Variants in EMX1 observed in about 807,000 individuals in gnomAD.
EMX1 encodes empty spiracles homeobox 1, also known as homeobox protein EMX1.
A neutral mutation model predicts 20.1 loss-of-function variants in EMX1; 10 were observed. That is an observed-to-expected ratio of 0.50 (90% confidence interval 0.31 to 0.84). The LOEUF is 0.84. Ranked by LOEUF, EMX1 falls within the 40% of genes least tolerant of loss-of-function variation. The probability of loss-of-function intolerance (pLI) is 0.05; values close to 1 mark genes in which losing one functional copy is unlikely to be tolerated. For missense variants in EMX1, 424 were observed against 431.9 expected (o/e 0.98, Z 0.16); for synonymous variants, 250 against 200.4 (o/e 1.25, Z -2.09).
upstream of EMX1, chr2:72,916,249 G>A (rs1197583595): frequency 5.6e-6 from 1 of 178,152 alleles, no homozygotes; most frequent in Non-Finnish European, 1.2e-5. Flanking sequence ...ACCCGGCCTG[G>A]AGTCCCCGCA....
Position 72,917,571 on chromosome 2 carries a change from A to T in EMX1, c.-282A>T, listed in dbSNP as rs1670988934. ...CGGGGCTGGGCAGGGCAGTGCGGGG[A>T]CACCGGGGGCTGGGGTCGGTCCCAG... On this transcript the variant is annotated 5_prime_UTR_variant, in exon 1 of 3. Coordinates refer to ENST00000258106, the MANE Select transcript of EMX1 (RefSeq NM_004097.3). The T allele has an allele frequency of 5.0e-6, 1 of 199,462 alleles. No individual in the cohort carries two copies. The highest frequency in any genetic ancestry group is 2.3e-5 in the African/African-American group (1 of 42,814). 12.4% of individuals were successfully genotyped at this position (199,462 alleles called of 1,614,324 possible).
chr2:72,926,726 T>C (rs1671206848), intron 2 of EMX1, among the ~76,000 whole-genome samples: 1 of 152,236 alleles, frequency 6.6e-6, no homozygotes, highest in South Asian at 2.1e-4. Context: ...TCCCCATCCC[T>C]AGTCCCTTCC....
At chr2:72,926,925 G>C (rs1671215311) in intron 2 of EMX1, among the ~76,000 whole-genome samples, 2 of 152,214 alleles carry the variant, frequency 1.3e-5, no homozygotes, top group South Asian at 4.2e-4. Context: ...TACTTACCAG[G>C]CAAGCTTACC....
At chr2:72,919,180 TACACACACACACACACACAC>T (rs70963149) in intron 1 of EMX1, among the ~76,000 whole-genome samples, 8 of 142,614 alleles carry the variant, frequency 5.6e-5, no homozygotes, top group South Asian at 2.3e-4. Flanking sequence ...CCACTGGCCC[TACACACACACACACACACAC>T]ACACACACAC....
chr2:72,917,935 C>T lies in EMX1; in HGVS notation c.83C>T (p.Ala28Val), dbSNP rs1670999218. 6.7e-7 allele frequency: 1 copy of T among 1,486,028 alleles called. No homozygotes were observed. The highest frequency in any genetic ancestry group is 8.9e-7 in the Non-Finnish European group (1 of 1,125,908). The allele number at this position is 1,486,028 out of a possible 1,614,324, so 92.1% of individuals were successfully genotyped here. A position where few individuals can be genotyped will look rare whatever the true frequency, so the allele number is the denominator to read the frequency against. Residue 28 changes from alanine (A) to valine (V), a missense_variant, in exon 1 of 3, where the codon GCT (alanine) becomes GTT (valine). Around this residue, in one of 2 missense-constraint regions of EMX1, gnomAD observed 333 missense variants for 296.6 expected, o/e 1.12. Coordinates refer to ENST00000258106, the MANE Select transcript of EMX1 (RefSeq NM_004097.3). ...ALPRARLPRT[A>V]PAAATMFQPA... ...CCCAGAGCCCGGCTGCCTCGCACAG[C>T]TCCCGCGGCTGCGACCATGTTCCAG...
chr2:72,924,791 C>T (rs1418915109), intron 2 of EMX1, among the ~76,000 whole-genome samples: 3 of 152,222 alleles, frequency 2.0e-5, no homozygotes, highest in Admixed American at 6.5e-5. Context: ...GACCAGGTTC[C>T]CTGGAGGAAG....
chr2:72,926,980 C>T (rs920506456), intron 2 of EMX1, among the ~76,000 whole-genome samples: 12 of 152,154 alleles, frequency 7.9e-5, no homozygotes, highest in African/African-American at 2.7e-4. Context: ...CAGTCACCCC[C>T]AACAGCCCCC....
At chr2:72,916,216 C>T (rs565246052), upstream of EMX1, 7 of 162,320 alleles carry the variant, frequency 4.3e-5, no homozygotes, top group South Asian at 1.1e-3. Flanking sequence ...CGGCTCCCGG[C>T]GCTCAGGCGG....
intron 2 of EMX1, among the ~76,000 whole-genome samples, chr2:72,925,184 G>C (rs1051293551): frequency 4.6e-5 from 7 of 152,220 alleles, no homozygotes; most frequent in African/African-American, 1.7e-4. Context: ...TAGACCCCGG[G>C]TACTCAGGTG....
At chr2:72,916,320 C>A, upstream of EMX1, 1 of 285,872 alleles carries the variant, frequency 3.5e-6, no homozygotes, top group Non-Finnish European at 6.7e-6. Flanking sequence ...CCCAGATCTG[C>A]GCGCCCAGGC....
intron 1 of EMX1, among the ~76,000 whole-genome samples, chr2:72,921,773 A>G (rs937325914): frequency 6.6e-5 from 10 of 152,174 alleles, no homozygotes; most frequent in Non-Finnish European, 1.0e-4. Flanking sequence ...GGACATGACA[A>G]TGACCTGGGG....
At chr2:72,931,838 A>C (rs1671290724) in intron 2 of EMX1, among the ~76,000 whole-genome samples, 1 of 152,136 alleles carries the variant, frequency 6.6e-6, no homozygotes, top group South Asian at 2.1e-4. Context: ...CCCCATCCCC[A>C]TGCCAGTGCT....
chr2:72,933,810 G>A lies in EMX1; in HGVS notation c.729G>A (p.Arg243=). The A allele has an allele frequency of 1.2e-6, 2 of 1,614,222 alleles. No homozygotes were observed. Among genetic ancestry groups the A allele is most frequent in the South Asian group, 1.1e-5 (1 of 91,082 alleles). ...ETQVKVWFQN[R]RTKYKRQKLE... ...AGGTGAAGGTGTGGTTCCAGAACCG[G>A]AGGACAAAGTACAAACGGCAGAAGC... Residue 243 remains arginine, a synonymous_variant, in exon 3 of 3, where the codon CGG becomes CGA. Coordinates refer to ENST00000258106, the MANE Select transcript of EMX1 (RefSeq NM_004097.3).
chr2:72,926,394 C>A, intron 2 of EMX1: 1 of 718,342 alleles, frequency 1.4e-6, no homozygotes, highest in Non-Finnish European at 1.7e-6. Flanking sequence ...GCTTCATTAA[C>A]TATCAAAACT....
At chr2:72,922,065 C>T (rs979256739) in intron 1 of EMX1, among the ~76,000 whole-genome samples, 1 of 152,178 alleles carries the variant, frequency 6.6e-6, no homozygotes, top group South Asian at 2.1e-4. Context: ...TACACACTTA[C>T]GGGGCTTTCC....
At chr2:72,917,056 C>T (rs959342539), upstream of EMX1, 4 of 660,814 alleles carry the variant, frequency 6.1e-6, no homozygotes, top group Admixed American at 8.9e-5. Context: ...CCCAGGAGGC[C>T]GATGGTGGGT....
chr2:72,917,085 G>A, upstream of EMX1: 1 of 633,966 alleles, frequency 1.6e-6, no homozygotes, highest in Non-Finnish European at 2.9e-6. Context: ...GAGTCCCGGA[G>A]AGCAGGGGGG....
Position 72,917,985 on chromosome 2 carries a change from A to G in EMX1, c.133A>G (p.Ile45Val), listed in dbSNP as rs949660517. ...FQPAAKRGFT[I>V]ESLVAKDGGT... ...GCCCGCGGCCAAGCGCGGCTTTACC[A>G]TAGAGTCCTTGGTGGCCAAGGACGG... is the stretch of plus-strand genomic sequence containing the variant. The change falls in exon 1 of 3, where the codon ATA becomes GTA. Residue 45 changes from isoleucine (I) to valine (V), a missense_variant. Ile to Val is a conservative substitution (Grantham distance 29). Around this residue, in one of 2 missense-constraint regions of EMX1, gnomAD observed 333 missense variants for 296.6 expected, o/e 1.12. Coordinates refer to ENST00000258106, the MANE Select transcript of EMX1 (RefSeq NM_004097.3). 1.9e-5 allele frequency: 28 copies of G among 1,484,068 alleles called. No individual in the cohort carries two copies. Among genetic ancestry groups the G allele is most frequent in the Non-Finnish European group, 2.5e-5 (28 of 1,124,934 alleles). 91.9% of individuals were successfully genotyped at this position (1,484,068 alleles called of 1,614,324 possible).
chr2:72,921,438 C>A lies in EMX1; in HGVS notation c.521-2871C>A, dbSNP rs117773828. ...TGTGGTCCAGGCAAGGGAAACTGAACCCCTGGTAGGGGTGGTTCAGGCCTC... is the reference window on the plus strand; with the variant it reads ...TGTGGTCCAGGCAAGGGAAACTGAAACCCTGGTAGGGGTGGTTCAGGCCTC... On this transcript the variant is annotated intron_variant, in intron 1 of 2. Transcript: ENST00000258106. Among the ~76,000 whole-genome samples, 8 of 152,316 alleles carry A rather than the reference C, an allele frequency of 5.3e-5. No individual in the cohort carries two copies. The East Asian group carries it at 1.4e-3, about 26-fold the overall frequency.
Sources: allele counts gnomAD v4.1 joint callset (sites outside exome capture counted in the v4.1 genomes callset), GRCh38; gene constraint gnomAD v4.1.1; regional missense constraint gnomAD v4.1.1; transcripts MANE v1.5; gene names NCBI Gene and HGNC (gene_info 2026-07-23, HGNC 2026-07-21).